MARK1: variants seen among roughly 807,000 people sequenced by gnomAD.
MARK1 encodes microtubule affinity regulating kinase 1, also known as serine/threonine-protein kinase MARK1.
Under a neutral mutation model 96.3 loss-of-function variants are expected in MARK1, and 40 were observed. That is an observed-to-expected ratio of 0.42 (90% CI 0.32 to 0.54). MARK1 has a LOEUF of 0.54. Ranked by LOEUF, MARK1 falls within the 20% of genes least tolerant of loss-of-function variation. The pLI, the probability that MARK1 is intolerant of heterozygous loss-of-function variation, is 0.16. For synonymous variants in MARK1, 317 were observed against 341.2 expected (o/e 0.93, Z 0.78); for missense variants, 719 against 984.6 (o/e 0.73, Z 3.61).
intron 1 of MARK1, among the ~76,000 whole-genome samples, chr1:220,536,478 A>G (rs955455574): frequency 6.6e-6 from 1 of 150,492 alleles, no homozygotes; most frequent in African/African-American, 2.5e-5. Context: ...ACTATTTTCC[A>G]TGCCTTAAGT....
At chr1:220,606,578 T>G (rs1666094117) in intron 6 of MARK1, among the ~76,000 whole-genome samples, 1 of 152,208 alleles carries the variant, frequency 6.6e-6, no homozygotes, top group Non-Finnish European at 1.5e-5. Flanking sequence ...GCTTTTGGTG[T>G]TTTAGTCATG....
chr1:220,543,048 T>TGTTTA (rs1661251870), intron 1 of MARK1, among the ~76,000 whole-genome samples: 3 of 152,228 alleles, frequency 2.0e-5, no homozygotes, highest in Non-Finnish European at 4.4e-5. Context: ...ATTTTTGAAA[T>TGTTTA]CATTTGTTAC....
chr1:220,620,819 T>C (rs1667016323), intron 9 of MARK1, among the ~76,000 whole-genome samples: 1 of 152,070 alleles, frequency 6.6e-6, no homozygotes, highest in East Asian at 1.9e-4. Context: ...ACTGGAAATA[T>C]TATATTATAG....
rs151210677 is a variant in MARK1, at chr1:220,601,457, A to C, written c.424+1594A>C. On this transcript the variant is annotated intron_variant, in intron 5 of 17. Transcript: ENST00000366917. The stretch of plus-strand genomic sequence containing the variant: ...AATTTCCATAAAATGTGGATCTATA[A>C]TAAAACTAATGAATCTACAGATACC... 2.9e-3 allele frequency among the ~76,000 whole-genome samples: 444 copies of C among 152,314 alleles called. 5 individuals carry two copies. The highest frequency in any genetic ancestry group is 5.8e-3 in the Admixed American group (88 of 15,290).
At chr1:220,560,738 G>A (rs985969647) in intron 1 of MARK1, among the ~76,000 whole-genome samples, 2 of 152,200 alleles carry the variant, frequency 1.3e-5, no homozygotes, top group Non-Finnish European at 2.9e-5. Flanking sequence ...AATTTAAAAT[G>A]TATGAATTGC....
rs918510445 is a variant in MARK1 at position 220,654,860 on chromosome 1, G to A, written c.1988+1508G>A. Among the ~76,000 whole-genome samples the A allele has an allele frequency of 6.6e-6, 1 of 152,216 alleles. No individual in the cohort carries two copies. The highest frequency in any genetic ancestry group is 1.5e-5 in the Non-Finnish European group (1 of 68,042). On this transcript the variant is annotated intron_variant, in intron 16 of 17. Coordinates refer to ENST00000366917, the MANE Select transcript of MARK1 (RefSeq NM_018650.5). This position sits in a 1 kb window ranked among gnomAD's most constrained non-coding sequence, Gnocchi z 4.0. ...AAATTTAGACTCTAGGGGAAACAGA[G>A]TACTTTGGAAAGGAAGTCGTGAGAT...
At chr1:220,627,587 C>T (rs751386107) in intron 9 of MARK1, 2 of 288,292 alleles carry the variant, frequency 6.9e-6, no homozygotes, top group Non-Finnish European at 1.4e-5. Context: ...TAGACAGAAA[C>T]CAAGGCCCTG....
chr1:220,556,007 G>T (rs1662218326), intron 1 of MARK1, among the ~76,000 whole-genome samples: 1 of 152,202 alleles, frequency 6.6e-6, no homozygotes, highest in Non-Finnish European at 1.5e-5. Flanking sequence ...ACAAAGGAAT[G>T]AAGAGAAATC....
chr1:220,635,659 A>G (rs894343360), intron 12 of MARK1, 130 bp downstream of exon 12: 2 of 1,188,986 alleles, frequency 1.7e-6, no homozygotes, highest in African/African-American at 3.1e-5. Flanking sequence ...TTACTGAATT[A>G]TAAATATAAT....
intron 1 of MARK1, among the ~76,000 whole-genome samples, chr1:220,554,367 G>A (rs1212051714): frequency 6.6e-6 from 1 of 152,210 alleles, no homozygotes; most frequent in Non-Finnish European, 1.5e-5. Flanking sequence ...CAGGGCACAT[G>A]TGCCAATGTT....
intron 1 of MARK1, 120 bp downstream of exon 1, chr1:220,528,993 C>A: frequency 1.0e-6 from 1 of 960,090 alleles, no homozygotes; most frequent in Non-Finnish European, 1.5e-6. Context: ...AGGGTCTCCA[C>A]CTGGAGCCCG....
intron 10 of MARK1, 135 bp downstream of exon 10, chr1:220,631,269 G>T (rs1289886503): frequency 5.7e-6 from 3 of 526,118 alleles, no homozygotes; most frequent in Non-Finnish European, 6.8e-6. Context: ...TCATTTTAAT[G>T]ATAATATGCT....
intron 9 of MARK1, among the ~76,000 whole-genome samples, chr1:220,622,667 C>T (rs1254650004): frequency 3.3e-5 from 5 of 152,090 alleles, no homozygotes; most frequent in East Asian, 1.9e-4. Flanking sequence ...GAGGCCAAGG[C>T]GGGCAGATCA....
chr1:220,547,723 C>T lies in MARK1; in HGVS notation c.51+18850C>T, dbSNP rs539887121. On this transcript the variant is annotated intron_variant, in intron 1 of 17. Coordinates refer to ENST00000366917, the MANE Select transcript of MARK1 (RefSeq NM_018650.5). ...GGGACTACAGGTGCCCGCCACCACA[C>T]CCGGCTACATTTTTTTGTATTTTTA... Among the ~76,000 whole-genome samples the T allele has an allele frequency of 2.6e-5, 4 of 152,310 alleles. No individual in the cohort carries two copies. In the East Asian group the frequency reaches 5.8e-4, roughly 22 times the overall value.
At chr1:220,634,413 A>G (rs11118582) in intron 11 of MARK1, among the ~76,000 whole-genome samples, 3,673 of 152,266 alleles carry the variant, frequency 0.024, 157 homozygotes, top group African/African-American at 0.083. Context: ...ACCCCAGCAC[A>G]ACCACTAACT....
intron 13 of MARK1, among the ~76,000 whole-genome samples, chr1:220,643,432 G>A (rs879807446): frequency 9.9e-5 from 15 of 152,054 alleles, no homozygotes; most frequent in Admixed American, 9.2e-4. Flanking sequence ...AGAAACATGG[G>A]ACTATGTAAA....
rs780984263 is a variant in MARK1 at position 220,635,891 on chromosome 1, G to C, written c.1335G>C (p.Val445=). 51 of 1,613,776 alleles carry C rather than the reference G, an allele frequency of 3.2e-5. No homozygotes were observed. The highest frequency in any genetic ancestry group is 4.2e-5 in the Non-Finnish European group (49 of 1,179,938). The change falls in exon 13 of 18, where the codon GTG becomes GTC. Residue 445 remains valine (V), a synonymous_variant. Transcript: ENST00000366917. The part of the protein sequence containing the change: ...SYTKRPQANS[V]ESEQKEEWDK... ...CCAAAAGACCTCAGGCTAACAGTGT[G>C]GAAAGTGAACAGAAAGAGGAGTGGG...
intron 16 of MARK1, 100 bp from the exon 17 acceptor site, chr1:220,657,690 G>A (rs1572247605): frequency 1.2e-6 from 1 of 800,540 alleles, no homozygotes; most frequent in East Asian, 3.1e-5. Context: ...CATGGTAGAA[G>A]TTTGCTCAAC....
chr1:220,605,515 TCTTC>T (rs1407203686), intron 6 of MARK1, among the ~76,000 whole-genome samples: 1 of 150,284 alleles, frequency 6.7e-6, no homozygotes, highest in Non-Finnish European at 1.5e-5. Context: ...ATTTTATTTT[TCTTC>T]CTTTTTTAAA....
Sources: gnomAD v4.1 joint callset for allele counts (sites outside exome capture counted in the v4.1 genomes callset) on GRCh38, gnomAD v4.1.1 for gene constraint, Gnocchi (gnomAD v3.1) non-coding constraint, MANE v1.5 for transcripts, NCBI Gene and HGNC (gene_info 2026-07-23, HGNC 2026-07-21) for gene names.